Variants in SLIT3 observed in about 807,000 individuals in gnomAD.
The protein encoded by SLIT3 is slit homolog 3 protein.
A neutral mutation model predicts 184.0 loss-of-function variants in SLIT3; 68 were observed. That is an observed-to-expected ratio of 0.37 (90% CI 0.30 to 0.45). SLIT3 has a LOEUF of 0.45. Ranked by LOEUF, SLIT3 falls within the 20% of genes least tolerant of loss-of-function variation. The pLI is 1.00. For missense variants in SLIT3, 1,707 were observed against 2,026.0 expected (o/e 0.84, Z 3.02); for synonymous variants, 831 against 828.6 (o/e 1.00, Z -0.05).
rs75964114 is a variant in SLIT3, at chr5:169,166,646, C to T, written c.413+26833G>A. 4.1e-3 allele frequency among the ~76,000 whole-genome samples: 622 copies of T among 152,290 alleles called. 8 individuals carry two copies. The highest frequency in any genetic ancestry group is 0.014 in the African/African-American group (587 of 41,558). On this transcript the variant is annotated intron_variant, in intron 4 of 35. Transcript: ENST00000519560. ...CATGCCCTCTTCAACCCACCCAGTC[C>T]ATCCCCAATATCACCTTCCTAATGC...
intron 4 of SLIT3, among the ~76,000 whole-genome samples, chr5:168,906,975 C>A (rs553790681): frequency 1.3e-5 from 2 of 152,146 alleles, no homozygotes; most frequent in East Asian, 3.9e-4. Context: ...ATTCTCCTGC[C>A]TCAGCCTCCC....
intron 3 of SLIT3, among the ~76,000 whole-genome samples, chr5:169,199,206 G>A (rs1032021401): frequency 1.4e-5 from 2 of 147,554 alleles, no homozygotes; most frequent in Admixed American, 1.3e-4. Context: ...GGTATAATCG[G>A]CTGGGTTTTG....
intron 4 of SLIT3, among the ~76,000 whole-genome samples, chr5:169,002,149 AC>A (rs1755725074): frequency 6.6e-6 from 1 of 151,720 alleles, no homozygotes; most frequent in Non-Finnish European, 1.5e-5. Flanking sequence ...CCCCATTTCT[AC>A]TAAAAATAAA....
At chr5:168,946,611 G>A (rs1026574050) in intron 4 of SLIT3, among the ~76,000 whole-genome samples, 2 of 152,196 alleles carry the variant, frequency 1.3e-5, no homozygotes, top group Admixed American at 6.5e-5. Flanking sequence ...TCTTCTGCAG[G>A]TTTCTGGGCT....
intron 4 of SLIT3, among the ~76,000 whole-genome samples, chr5:168,904,101 C>A (rs1009374171): frequency 2.6e-5 from 4 of 152,162 alleles, no homozygotes; most frequent in African/African-American, 9.7e-5. Context: ...GGCCCTGTTG[C>A]CCCTGTGTCC....
intron 4 of SLIT3, among the ~76,000 whole-genome samples, chr5:168,915,589 A>T (rs1482145471): frequency 6.6e-6 from 1 of 152,234 alleles, no homozygotes; most frequent in African/African-American, 2.4e-5. Flanking sequence ...ATGCGAACAT[A>T]TCCAAAATAT....
chr5:169,046,898 G>T (rs999215864), intron 4 of SLIT3, among the ~76,000 whole-genome samples: 1 of 152,126 alleles, frequency 6.6e-6, no homozygotes, highest in Non-Finnish European at 1.5e-5. Flanking sequence ...TCAGCAGCTG[G>T]GTGCCTGTAT....
At chr5:169,203,565 T>C (rs917002123) in intron 3 of SLIT3, among the ~76,000 whole-genome samples, 3 of 152,160 alleles carry the variant, frequency 2.0e-5, no homozygotes, top group African/African-American at 7.2e-5. Flanking sequence ...GATTCAAGAA[T>C]CACTCCTGGA....
intron 31 of SLIT3, among the ~76,000 whole-genome samples, chr5:168,684,430 G>A (rs984456444): frequency 6.6e-6 from 1 of 152,100 alleles, no homozygotes; most frequent in Admixed American, 6.5e-5. Context: ...CCCAAGTTCA[G>A]GCCCTTCTTT....
chr5:169,233,582 G>T (rs767097053), intron 3 of SLIT3, among the ~76,000 whole-genome samples: 1 of 152,096 alleles, frequency 6.6e-6, no homozygotes, highest in Non-Finnish European at 1.5e-5. Flanking sequence ...GTGCCACCAT[G>T]GCACACGTTT....
chr5:169,301,010 C>T lies in SLIT3; in HGVS notation c.-301G>A, dbSNP rs1439747996. 1 of 158,368 alleles carries T rather than the reference C, an allele frequency of 6.3e-6. No individual in the cohort carries two copies. Among genetic ancestry groups the T allele is most frequent in the African/African-American group, 2.4e-5 (1 of 41,336 alleles). 9.8% of individuals were successfully genotyped at this position (158,368 alleles called of 1,614,324 possible). ...CTGGCCCGCGGGCCGGGTTGGGGAC[C>T]TGGGGCGAGCGCAATGGGGCGTGGC... is the stretch of plus-strand genomic sequence containing the variant. On this transcript the variant is annotated 5_prime_UTR_variant, in exon 1 of 36. Coordinates refer to ENST00000519560, the MANE Select transcript of SLIT3 (RefSeq NM_003062.4).
At chr5:168,983,906 A>G (rs548213404) in intron 4 of SLIT3, among the ~76,000 whole-genome samples, 9 of 152,218 alleles carry the variant, frequency 5.9e-5, no homozygotes, top group African/African-American at 2.2e-4. Flanking sequence ...AGAAAAGAAA[A>G]GAGAGGCCTG....
intron 4 of SLIT3, among the ~76,000 whole-genome samples, chr5:168,911,065 C>G (rs1362736858): frequency 6.6e-6 from 1 of 152,140 alleles, no homozygotes; most frequent in African/African-American, 2.4e-5. Flanking sequence ...AATCAAGCAG[C>G]CTCTTGATGG....
chr5:168,681,304 T>C (rs912328446), intron 32 of SLIT3, among the ~76,000 whole-genome samples: 2 of 152,232 alleles, frequency 1.3e-5, no homozygotes, highest in African/African-American at 4.8e-5. Flanking sequence ...TTTAGCTCTG[T>C]GGCCCCTGCA....
intron 4 of SLIT3, among the ~76,000 whole-genome samples, chr5:168,934,176 G>A (rs13359333): frequency 3.9e-5 from 6 of 152,016 alleles, no homozygotes; most frequent in Non-Finnish European, 5.9e-5. Context: ...GAGGGAGAAC[G>A]CTCCTCGTAG....
At chr5:168,806,866 A>G (rs1756983605) in intron 8 of SLIT3, among the ~76,000 whole-genome samples, 1 of 152,210 alleles carries the variant, frequency 6.6e-6, no homozygotes, top group Non-Finnish European at 1.5e-5. Flanking sequence ...CCTCAGAGTC[A>G]GTCACACATG....
intron 6 of SLIT3, among the ~76,000 whole-genome samples, chr5:168,840,249 T>C (rs1245234737): frequency 1.3e-5 from 2 of 152,226 alleles, no homozygotes; most frequent in East Asian, 3.8e-4. Context: ...GTTTCTGTTA[T>C]CTGTGGTCCG....
intron 6 of SLIT3, among the ~76,000 whole-genome samples, chr5:168,827,094 C>T (rs1359619300): frequency 6.6e-6 from 1 of 152,122 alleles, no homozygotes; most frequent in Admixed American, 6.6e-5. Flanking sequence ...CTCCAATTAT[C>T]CCACGAGGCA....
chr5:169,126,984 G>A (rs917263513), intron 4 of SLIT3, among the ~76,000 whole-genome samples: 1 of 150,750 alleles, frequency 6.6e-6, no homozygotes, highest in Non-Finnish European at 1.5e-5. Context: ...TGACTTCAAG[G>A]CCTCAAGTAA....
Sources: allele counts gnomAD v4.1 joint callset (sites outside exome capture counted in the v4.1 genomes callset), GRCh38; gene constraint gnomAD v4.1.1; transcripts MANE v1.5; gene names NCBI Gene and HGNC (gene_info 2026-07-23, HGNC 2026-07-21).